Variants in SLC6A4 observed in about 807,000 individuals in gnomAD.
The protein encoded by SLC6A4 is sodium-dependent serotonin transporter.
Under a neutral mutation model 73.4 loss-of-function variants are expected in SLC6A4, and 22 were observed. The ratio of observed to expected loss-of-function variants is 0.30; its 90% CI spans 0.21 to 0.43. The LOEUF (loss-of-function observed/expected upper bound fraction) is 0.43, where lower values mean the gene tolerates loss of function less well. SLC6A4 is among the 20% of genes least tolerant of loss of function. SLC6A4 has a pLI of 1.00. For missense variants in SLC6A4, 593 were observed against 808.5 expected (o/e 0.73, Z 3.23); for synonymous variants, 270 against 315.5 (o/e 0.86, Z 1.53).
chr17:30,222,360 G>A (rs1017438300), intron 2 of SLC6A4, among the ~76,000 whole-genome samples: 1 of 152,200 alleles, frequency 6.6e-6, no homozygotes, highest in Non-Finnish European at 1.5e-5. Context: ...CTGGACTGGA[G>A]AGCAAAGCAC....
chr17:30,204,424 C>T (rs1267281907), intron 13 of SLC6A4: 1 of 152,044 alleles, frequency 6.6e-6, no homozygotes, highest in Non-Finnish European at 1.5e-5. Context: ...TGCAAACCTT[C>T]CTCCTAACCC....
intron 1 of SLC6A4, among the ~76,000 whole-genome samples, chr17:30,229,953 A>G (rs1485227023): frequency 6.6e-6 from 1 of 151,874 alleles, no homozygotes; most frequent in Non-Finnish European, 1.5e-5. Context: ...CAGGAGGCAG[A>G]GGTTGTGGTG....
intron 11 of SLC6A4, among the ~76,000 whole-genome samples, chr17:30,209,755 C>G (rs1016938281): frequency 3.3e-5 from 5 of 151,976 alleles, no homozygotes; most frequent in Non-Finnish European, 7.4e-5. Context: ...CTATGTAGTT[C>G]ATTCTTCTCA....
chr17:30,231,580 C>A (rs562232613), intron 1 of SLC6A4, among the ~76,000 whole-genome samples: 4 of 151,820 alleles, frequency 2.6e-5, no homozygotes, highest in Non-Finnish European at 5.9e-5. Flanking sequence ...CATATATATA[C>A]TGCATATGCA....
Position 30,208,993 on chromosome 17 carries a change from C to A in SLC6A4, c.1549+150G>T, listed in dbSNP as rs1056247340. ...CTGGGATTACAGGCGTGAGCCACCG[C>A]GCCTGGCCGAGACTCTTTTACAGAC... On this transcript the variant is annotated intron_variant, in intron 12 of 14. Coordinates refer to ENST00000650711, the MANE Select transcript of SLC6A4 (RefSeq NM_001045.6). 21 of 501,238 alleles carry A rather than the reference C, an allele frequency of 4.2e-5. No individual in the cohort carries two copies. The Admixed American group carries it at 7.5e-4, about 18-fold the overall frequency. 31.0% of individuals were successfully genotyped at this position (501,238 alleles called of 1,614,324 possible).
chr17:30,224,506 C>T (rs536833142), intron 1 of SLC6A4, among the ~76,000 whole-genome samples: 3 of 152,250 alleles, frequency 2.0e-5, no homozygotes, highest in African/African-American at 7.2e-5. Context: ...GTGTGAGACA[C>T]CATGCCTGGC....
chr17:30,221,787 C>G lies in SLC6A4; in HGVS notation c.172G>C (p.Asp58His). 4 of 1,614,182 alleles carry G rather than the reference C, an allele frequency of 2.5e-6. No homozygotes were observed. The highest frequency in any genetic ancestry group is 3.4e-6 in the Non-Finnish European group (4 of 1,180,030). Residue 58 changes from aspartate (D) to histidine (H), a missense_variant, in exon 3 of 15, where the codon GAC becomes CAC. Asp to His is a moderately conservative substitution (Grantham distance 81). Coordinates refer to ENST00000650711, the MANE Select transcript of SLC6A4 (RefSeq NM_001045.6). Reference protein sequence around the residue: ...SAVPSPGAGDDTRHSIPATTT... With the variant: ...SAVPSPGAGDHTRHSIPATTT... ...GTCGCTGGGATAGAGTGCCGTGTGT[C>G]ATCTCCCGCACCAGGACTTGGAACT...
chr17:30,215,750 G>A (rs773326376), intron 7 of SLC6A4, 36 bp from the exon 8 acceptor site: 8 of 1,566,248 alleles, frequency 5.1e-6, no homozygotes, highest in African/African-American at 1.4e-5. Context: ...TGGGGTGAGG[G>A]GGAGACACAG....
chr17:30,230,951 C>T (rs1567824500), intron 1 of SLC6A4, among the ~76,000 whole-genome samples: 2 of 152,142 alleles, frequency 1.3e-5, no homozygotes, highest in African/African-American at 4.8e-5. Flanking sequence ...ATCAGTTCAT[C>T]CTTACACATC....
intron 13 of SLC6A4, chr17:30,203,552 T>G: frequency 1.8e-6 from 1 of 545,528 alleles, no homozygotes; most frequent in Non-Finnish European, 3.3e-6. Flanking sequence ...TTCCCTGATT[T>G]TCCTCCCCAG....
intron 13 of SLC6A4, among the ~76,000 whole-genome samples, chr17:30,206,731 T>TTTTTTTTTTTG (rs1906216403): frequency 7.0e-6 from 1 of 143,554 alleles, no homozygotes; most frequent in African/African-American, 2.6e-5. Flanking sequence ...TTTTTTTTTT[T>TTTTTTTTTTTG]TTTTTGAGAC....
chr17:30,221,642 G>A lies in SLC6A4; in HGVS notation c.317C>T (p.Pro106Leu), dbSNP rs1207932786. ...CCCTCCATTCTGGTAACATATGTAG[G>A]GGAAGCGCCAGACATTGCCCAGGTC... The part of the protein sequence containing the change: ...AVDLGNVWRF[P>L]YICYQNGGGA... Residue 106 changes from proline to leucine, a missense_variant, in exon 3 of 15, where the codon CCC becomes CTC. Pro to Leu is a moderately conservative substitution (Grantham distance 98). Coordinates refer to ENST00000650711, the MANE Select transcript of SLC6A4 (RefSeq NM_001045.6). 6.2e-7 allele frequency: 1 copy of A among 1,614,110 alleles called. No individual in the cohort carries two copies. Among genetic ancestry groups the A allele is most frequent in the Non-Finnish European group, 8.5e-7 (1 of 1,179,960 alleles).
intron 1 of SLC6A4, among the ~76,000 whole-genome samples, chr17:30,233,280 T>A (rs370537572): frequency 1.6e-4 from 24 of 152,230 alleles, no homozygotes; most frequent in African/African-American, 5.5e-4. Flanking sequence ...GCAGCCCAAA[T>A]TTGTGCTGCC....
At position 30,203,317 on chromosome 17, in the gene SLC6A4, A is replaced by G; in HGVS notation, c.1673T>C (p.Met558Thr). The change falls in exon 14 of 15, where the codon ATG becomes ACG. Residue 558 changes from methionine (M) to threonine (T), a missense_variant. Met to Thr is a moderately conservative substitution (Grantham distance 81, BLOSUM62 -1). Coordinates refer to ENST00000650711, the MANE Select transcript of SLC6A4 (RefSeq NM_001045.6). ...GAAAAGTCGTAGTTGTGGCGGGCTC[A>G]TCAGAAAACTGCAAATGATGAACTA... ...FLLFIICSFL[M>T]SPPQLRLFQY... 1 of 1,613,544 alleles carries G rather than the reference A, an allele frequency of 6.2e-7. No individual in the cohort carries two copies. Among genetic ancestry groups the G allele is most frequent in the Non-Finnish European group, 8.5e-7 (1 of 1,179,744 alleles).
chr17:30,218,845 G>T lies in SLC6A4; in HGVS notation c.430C>A (p.Arg144=). 1 of 1,613,956 alleles carries T rather than the reference G, an allele frequency of 6.2e-7. No homozygotes were observed. Among genetic ancestry groups the T allele is most frequent in the Non-Finnish European group, 8.5e-7 (1 of 1,179,930 alleles). Residue 144 remains arginine, a synonymous_variant, in exon 4 of 15, where the codon CGA becomes AGA. Coordinates refer to ENST00000650711, the MANE Select transcript of SLC6A4 (RefSeq NM_001045.6). ...YMELALGQYH[R]NGCISIWRKI... ...CTCCATATTGAAATGCATCCATTTC[G>T]GTGGTACTGTCCCAGTGCGAGCTCC...
intron 1 of SLC6A4, among the ~76,000 whole-genome samples, chr17:30,227,032 C>A (rs2143016142): frequency 6.6e-6 from 1 of 152,342 alleles, no homozygotes; most frequent in Admixed American, 6.5e-5. Flanking sequence ...CCGTGGTGAA[C>A]AGAGGCTGCC....
chr17:30,207,788 T>C lies in SLC6A4; in HGVS notation c.1594A>G (p.Ser532Gly). 1.2e-6 allele frequency: 2 copies of C among 1,614,128 alleles called. No homozygotes were observed. Among genetic ancestry groups the C allele is most frequent in the Non-Finnish European group, 1.7e-6 (2 of 1,180,024 alleles). Residue 532 changes from serine to glycine, a missense_variant, in exon 13 of 15, where the codon AGC (serine) becomes GGC (glycine). Coordinates refer to ENST00000650711, the MANE Select transcript of SLC6A4 (RefSeq NM_001045.6). ...CRDVKEMLGF[S>G]PGWFWRICWV... ...CAGATCCTCCAGAACCACCCCGGGC[T>C]GAAGCCGAGCATTTCCTTCACGTCC...
intron 1 of SLC6A4, among the ~76,000 whole-genome samples, chr17:30,232,640 A>G (rs1427917691): frequency 6.6e-6 from 1 of 152,174 alleles, no homozygotes; most frequent in Admixed American, 6.5e-5. Context: ...GGGCCAAAGG[A>G]AAGATGGAAA....
intron 1 of SLC6A4, among the ~76,000 whole-genome samples, chr17:30,225,488 T>C (rs1906898894): frequency 1.3e-5 from 2 of 152,206 alleles, no homozygotes; most frequent in African/African-American, 4.8e-5. Flanking sequence ...AGAAGGTTGG[T>C]TTCTGAGAAT....
Sources: allele counts gnomAD v4.1 joint callset (sites outside exome capture counted in the v4.1 genomes callset), GRCh38; gene constraint gnomAD v4.1.1; transcripts MANE v1.5; gene names NCBI Gene and HGNC (gene_info 2026-07-23, HGNC 2026-07-21).